The following AXDND1 variants were observed in gnomAD, a reference collection of about 807,000 sequenced individuals.
The protein encoded by AXDND1 is axonemal dynein light chain domain containing 1.
AXDND1 carries 110 observed loss-of-function variants against 137.5 expected under a neutral mutation model. The ratio of observed to expected loss-of-function variants is 0.80; its 90% CI spans 0.69 to 0.94. The LOEUF (loss-of-function observed/expected upper bound fraction) is 0.94, where lower values mean the gene tolerates loss of function less well. Among genes scored for constraint, AXDND1 ranks in the 40% least tolerant of loss-of-function variants. The pLI, the probability that AXDND1 is intolerant of heterozygous loss-of-function variation, is 0.00. For missense variants in AXDND1, 1,191 were observed against 1,169.8 expected (o/e 1.02, Z -0.26); for synonymous variants, 414 against 399.7 (o/e 1.04, Z -0.43).
chr1:179,462,874 T>C (rs1479095527), intron 16 of AXDND1, among the ~76,000 whole-genome samples: 2 of 152,212 alleles, frequency 1.3e-5, no homozygotes, highest in African/African-American at 4.8e-5. Flanking sequence ...TCCAGGAATT[T>C]ATCCATTTCT....
chr1:179,499,333 T>A (rs556313697), intron 20 of AXDND1, among the ~76,000 whole-genome samples: 1 of 145,100 alleles, frequency 6.9e-6, no homozygotes, highest in East Asian at 2.1e-4. Flanking sequence ...GTCAGTAATA[T>A]ATTGTGATGT....
chr1:179,430,027 T>C (rs1657141971), intron 13 of AXDND1, among the ~76,000 whole-genome samples: 1 of 151,052 alleles, frequency 6.6e-6, no homozygotes, highest in Non-Finnish European at 1.5e-5. Flanking sequence ...TTCATTTAAC[T>C]CTTAAGACAA....
chr1:179,427,452 A>G (rs1183648354), intron 12 of AXDND1, among the ~76,000 whole-genome samples: 1 of 152,204 alleles, frequency 6.6e-6, no homozygotes, highest in African/African-American at 2.4e-5. Flanking sequence ...TATGTGTCAG[A>G]CATTATGCCA....
chr1:179,495,621 C>T (rs1182719393), intron 20 of AXDND1, among the ~76,000 whole-genome samples: 4 of 151,790 alleles, frequency 2.6e-5, no homozygotes, highest in African/African-American at 9.7e-5. Context: ...TTTTAATACA[C>T]AGTCATGCAG....
chr1:179,402,127 A>T (rs983644789), intron 11 of AXDND1, among the ~76,000 whole-genome samples: 3 of 147,246 alleles, frequency 2.0e-5, no homozygotes, highest in Non-Finnish European at 4.5e-5. Flanking sequence ...AGCCGACATC[A>T]TGCACTCCAG....
chr1:179,442,956 C>T (rs576766721), intron 15 of AXDND1, among the ~76,000 whole-genome samples: 13 of 152,068 alleles, frequency 8.5e-5, no homozygotes, highest in African/African-American at 1.9e-4. Context: ...CTTTACACAG[C>T]GCTCCATATG....
intron 22 of AXDND1, 30 bp downstream of exon 22, chr1:179,525,477 CTACA>C (rs5779031): frequency 0.39 from 567,417 of 1,471,706 alleles, 117,337 homozygotes; most frequent in African/African-American, 0.58. Flanking sequence ...GTTTTTCCTC[CTACA>C]TACATACATA....
chr1:179,546,842 C>T (rs1194712524), intron 25 of AXDND1, among the ~76,000 whole-genome samples: 12 of 152,140 alleles, frequency 7.9e-5, no homozygotes, highest in African/African-American at 2.2e-4. Flanking sequence ...CAACTCAGTG[C>T]GCGTGGGCTC....
At chr1:179,442,575 T>A (rs201385079) in intron 15 of AXDND1, among the ~76,000 whole-genome samples, 1 of 152,310 alleles carries the variant, frequency 6.6e-6, no homozygotes, top group East Asian at 1.9e-4. Context: ...TTTAAGCAAC[T>A]GTACATAATG....
intron 25 of AXDND1, among the ~76,000 whole-genome samples, chr1:179,549,614 T>TA (rs575547818): frequency 2.6e-5 from 4 of 152,106 alleles, no homozygotes; most frequent in Admixed American, 6.5e-5. Flanking sequence ...TGGCTTCTGT[T>TA]ATGCCTGACC....
intron 16 of AXDND1, chr1:179,456,052 A>C: frequency 2.2e-6 from 1 of 445,514 alleles, no homozygotes; most frequent in Non-Finnish European, 4.4e-6. Context: ...GTCACAAATA[A>C]CAGTCCTCGA....
At chr1:179,436,034 A>G (rs900654652) in intron 15 of AXDND1, among the ~76,000 whole-genome samples, 1 of 152,236 alleles carries the variant, frequency 6.6e-6, no homozygotes, top group Admixed American at 6.5e-5. Flanking sequence ...GGCAAAGGAT[A>G]TGAACAGACA....
intron 25 of AXDND1, among the ~76,000 whole-genome samples, chr1:179,552,954 C>CA (rs919249671): frequency 2.0e-4 from 30 of 152,184 alleles, no homozygotes; most frequent in African/African-American, 6.8e-4. Context: ...GAGCTGTGCT[C>CA]AGTTTTTCCG....
At chr1:179,464,209 T>G (rs1662792191) in intron 16 of AXDND1, among the ~76,000 whole-genome samples, 1 of 152,214 alleles carries the variant, frequency 6.6e-6, no homozygotes, top group African/African-American at 2.4e-5. Flanking sequence ...CTTCCTAGCA[T>G]CAATGGTCGT....
In AXDND1 at chr1:179,413,047, T is replaced by C. The variant is rs1654133005; in HGVS notation, c.1230+1781T>C. On this transcript the variant is annotated intron_variant, in intron 12 of 25. Coordinates refer to ENST00000367618, the MANE Select transcript of AXDND1 (RefSeq NM_144696.6). Reference sequence around the variant, plus strand: ...TCAATTGAGATTACTACATCTTGATTTCCTTTTACTTTATTAACATATTAC... The same window carrying C: ...TCAATTGAGATTACTACATCTTGATCTCCTTTTACTTTATTAACATATTAC... Among the ~76,000 whole-genome samples the C allele has an allele frequency of 2.6e-5, 4 of 152,200 alleles. No individual in the cohort carries two copies. The South Asian group carries it at 8.3e-4, about 32-fold the overall frequency.
At chr1:179,429,192 T>C (rs1657028304) in intron 12 of AXDND1, among the ~76,000 whole-genome samples, 1 of 140,040 alleles carries the variant, frequency 7.1e-6, no homozygotes, top group Non-Finnish European at 1.6e-5. Flanking sequence ...AAAAAATATC[T>C]AGTTTAATTT....
chr1:179,430,349 A>G, intron 13 of AXDND1, 103 bp from the exon 14 acceptor site: 1 of 875,734 alleles, frequency 1.1e-6, no homozygotes, highest in Non-Finnish European at 1.7e-6. Flanking sequence ...TTTTCTATGA[A>G]TTTCTCTAGT....
intron 17 of AXDND1, among the ~76,000 whole-genome samples, chr1:179,479,180 G>A (rs1368938183): frequency 6.6e-6 from 1 of 151,242 alleles, no homozygotes; most frequent in Non-Finnish European, 1.5e-5. Flanking sequence ...GTGATTCTTA[G>A]AAATTTCTTC....
At chr1:179,479,601 C>T (rs1665093159) in intron 17 of AXDND1, among the ~76,000 whole-genome samples, 1 of 150,620 alleles carries the variant, frequency 6.6e-6, no homozygotes, top group African/African-American at 2.4e-5. Context: ...CATGGTGAAA[C>T]CCTGTCTCCA....
Sources: gnomAD v4.1 joint callset for allele counts (sites outside exome capture counted in the v4.1 genomes callset) on GRCh38, gnomAD v4.1.1 for gene constraint, MANE v1.5 for transcripts, NCBI Gene and HGNC (gene_info 2026-07-23, HGNC 2026-07-21) for gene names.